SYN3: variants seen among roughly 807,000 people sequenced by gnomAD.
SYN3 encodes synapsin III, also known as synapsin-3.
Under a neutral mutation model 65.8 loss-of-function variants are expected in SYN3, and 35 were observed. That is an observed-to-expected ratio of 0.53 (90% CI 0.41 to 0.70). The LOEUF (loss-of-function observed/expected upper bound fraction) is 0.70. Among genes scored for constraint, SYN3 ranks in the 30% least tolerant of loss-of-function variants. The probability of loss-of-function intolerance (pLI) is 0.00; values close to 1 mark genes in which losing one functional copy is unlikely to be tolerated. For synonymous variants in SYN3, 270 were observed against 292.9 expected (o/e 0.92, Z 0.80); for missense variants, 680 against 749.0 (o/e 0.91, Z 1.08).
rs2053204121 is a variant in SYN3, at chr22:33,006,578, C to T, written c.85G>A (p.Asp29Asn). ...GAAGCAGGTGAGCTGGTGGAGCTAT[C>T]TGGGCGTTGCAGGTCCGTCATATAG... ...NGYMTDLQRP[D>N]SSTSSPASPA... Residue 29 changes from aspartate (D) to asparagine (N), a missense_variant, in exon 2 of 14, where the codon GAT (aspartate) becomes AAT (asparagine). Physicochemically the swap from Asp to Asn is conservative, Grantham distance 23. Coordinates refer to ENST00000358763, the MANE Select transcript of SYN3 (RefSeq NM_003490.4). The T allele has an allele frequency of 5.0e-6, 8 of 1,614,066 alleles. No individual in the cohort carries two copies. In the East Asian group the frequency reaches 1.8e-4, roughly 36 times the overall value.
At chr22:32,778,789 C>T (rs982490590) in intron 6 of SYN3, among the ~76,000 whole-genome samples, 3 of 152,150 alleles carry the variant, frequency 2.0e-5, no homozygotes, top group Admixed American at 2.0e-4. Context: ...CTTCAACATA[C>T]CTTAATTTGT....
At chr22:32,542,622 TTGTG>T (rs1402806612) in intron 7 of SYN3, among the ~76,000 whole-genome samples, 5 of 138,226 alleles carry the variant, frequency 3.6e-5, no homozygotes, top group Admixed American at 1.5e-4. Context: ...GTGCTTCTGT[TTGTG>T]TGTATGTGTG....
intron 6 of SYN3, among the ~76,000 whole-genome samples, chr22:32,637,655 T>G (rs1404612009): frequency 1.2e-5 from 1 of 86,632 alleles, no homozygotes; most frequent in Non-Finnish European, 2.3e-5. Context: ...TTTTTTTTTT[T>G]GAGACAGGGT....
intron 6 of SYN3, among the ~76,000 whole-genome samples, chr22:32,597,072 C>A (rs1046791339): frequency 6.6e-6 from 1 of 152,128 alleles, no homozygotes; most frequent in Non-Finnish European, 1.5e-5. Flanking sequence ...GCCTCAGTTT[C>A]TTCATTTGTC....
chr22:32,600,077 G>C (rs1443164897), intron 6 of SYN3, among the ~76,000 whole-genome samples: 1 of 152,110 alleles, frequency 6.6e-6, no homozygotes, highest in Non-Finnish European at 1.5e-5. Context: ...TGCATTTATT[G>C]TGCATTTTAT....
At chr22:32,794,854 T>C (rs1338681891) in intron 6 of SYN3, among the ~76,000 whole-genome samples, 1 of 151,972 alleles carries the variant, frequency 6.6e-6, no homozygotes, top group Non-Finnish European at 1.5e-5. Context: ...TCCTGGCAGA[T>C]GAGGTGGAGG....
intron 6 of SYN3, among the ~76,000 whole-genome samples, chr22:32,652,787 G>A (rs534397120): frequency 1.3e-5 from 2 of 152,134 alleles, no homozygotes; most frequent in Admixed American, 6.5e-5. Flanking sequence ...CCTAGTTAGC[G>A]GCAGAGAGGA....
intron 6 of SYN3, among the ~76,000 whole-genome samples, chr22:32,637,291 T>C (rs2059829847): frequency 6.6e-6 from 1 of 152,176 alleles, no homozygotes; most frequent in Non-Finnish European, 1.5e-5. Flanking sequence ...TGTGCCTCAG[T>C]TTCCTTAACT....
intron 6 of SYN3, among the ~76,000 whole-genome samples, chr22:32,740,641 A>G (rs1489733309): frequency 6.6e-6 from 1 of 152,190 alleles, no homozygotes; most frequent in Admixed American, 6.6e-5. Flanking sequence ...TTTGGACATA[A>G]CCCTGGGGTC....
intron 6 of SYN3, among the ~76,000 whole-genome samples, chr22:32,710,355 G>A (rs1411942402): frequency 2.0e-5 from 3 of 151,728 alleles, no homozygotes; most frequent in Non-Finnish European, 2.9e-5. Flanking sequence ...TGTGGGCTGG[G>A]TGCGGTGGCT....
chr22:32,564,897 C>G (rs1451355490), intron 7 of SYN3, among the ~76,000 whole-genome samples: 8 of 151,014 alleles, frequency 5.3e-5, no homozygotes, highest in African/African-American at 1.7e-4. Flanking sequence ...TGCACCCTAA[C>G]AGTGCTCCCG....
At chr22:32,532,065 T>C (rs1341397578) in intron 10 of SYN3, among the ~76,000 whole-genome samples, 2 of 152,260 alleles carry the variant, frequency 1.3e-5, no homozygotes, top group Non-Finnish European at 2.9e-5. Flanking sequence ...ACAGAGAGAC[T>C]GCTGGTGCAA....
intron 6 of SYN3, among the ~76,000 whole-genome samples, chr22:32,768,362 C>T (rs1015274112): frequency 1.3e-5 from 2 of 152,166 alleles, no homozygotes; most frequent in Admixed American, 1.3e-4. Context: ...TGATGGATGG[C>T]TTTCCTCTTT....
chr22:32,939,999 C>T (rs866072150), intron 3 of SYN3, among the ~76,000 whole-genome samples: 22 of 152,268 alleles, frequency 1.4e-4, no homozygotes, highest in African/African-American at 5.3e-4. Flanking sequence ...TGCTCTGTGT[C>T]TTTTTCAACA....
At chr22:32,803,709 T>C (rs2145941098) in intron 6 of SYN3, among the ~76,000 whole-genome samples, 1 of 152,308 alleles carries the variant, frequency 6.6e-6, no homozygotes, top group East Asian at 1.9e-4. Context: ...GAGTTGCTGC[T>C]GCAGCTGAGT....
intron 6 of SYN3, among the ~76,000 whole-genome samples, chr22:32,787,168 C>T (rs1048387483): frequency 6.6e-6 from 1 of 151,238 alleles, no homozygotes; most frequent in Non-Finnish European, 1.5e-5. Context: ...CTGTATCAGC[C>T]TCCCAAGTAG....
intron 6 of SYN3, among the ~76,000 whole-genome samples, chr22:32,840,266 A>G (rs756131524): frequency 1.3e-5 from 2 of 152,046 alleles, no homozygotes; most frequent in African/African-American, 2.4e-5. Context: ...CAAGATTAAT[A>G]TTTTTACTTA....
chr22:33,002,141 A>C (rs1468961918), intron 2 of SYN3, among the ~76,000 whole-genome samples: 2 of 152,200 alleles, frequency 1.3e-5, no homozygotes, highest in Non-Finnish European at 2.9e-5. Context: ...ATAAACACAT[A>C]AGCAGAGACA....
chr22:32,926,886 C>T (rs975612610), intron 4 of SYN3, among the ~76,000 whole-genome samples: 5 of 152,154 alleles, frequency 3.3e-5, no homozygotes, highest in Admixed American at 2.0e-4. Context: ...CTTGAAGAGA[C>T]AGGAGAAACC....
Sources: gnomAD v4.1 joint callset for allele counts (sites outside exome capture counted in the v4.1 genomes callset) on GRCh38, gnomAD v4.1.1 for gene constraint, MANE v1.5 for transcripts, NCBI Gene and HGNC (gene_info 2026-07-23, HGNC 2026-07-21) for gene names.